The following ALKBH8 variants were observed in gnomAD, a reference collection of about 807,000 sequenced individuals.
The protein encoded by ALKBH8 is tRNA (carboxymethyluridine(34)-5-O)-methyltransferase ALKBH8.
ALKBH8 carries 36 observed loss-of-function variants against 59.8 expected under a neutral mutation model. The ratio of observed to expected loss-of-function variants is 0.60; its 90% CI spans 0.46 to 0.79. The LOEUF is 0.79. Among genes scored for constraint, ALKBH8 ranks in the 30% least tolerant of loss-of-function variants. ALKBH8 has a pLI of 0.00. For synonymous variants in ALKBH8, 276 were observed against 273.6 expected (o/e 1.01, Z -0.09); for missense variants, 768 against 801.0 (o/e 0.96, Z 0.50).
Position 107,537,421 on chromosome 11 carries a change from G to A in ALKBH8, c.772-5015C>T, listed in dbSNP as rs2135537641. ...CCTTTGCAGGGACACAGATGGAGTTGGAAGCCACTATCTTCAGCAAACTAG... is the reference window on the plus strand; with the variant it reads ...CCTTTGCAGGGACACAGATGGAGTTAGAAGCCACTATCTTCAGCAAACTAG... On this transcript the variant is annotated intron_variant, in intron 7 of 11. Coordinates refer to ENST00000428149, the MANE Select transcript of ALKBH8 (RefSeq NM_138775.3). 1.3e-5 allele frequency among the ~76,000 whole-genome samples: 2 copies of A among 152,274 alleles called. 1 individual carries two copies. The highest frequency in any genetic ancestry group is 4.8e-5 in the African/African-American group (2 of 41,558).
chr11:107,544,818 CACA>C (rs1864182398), intron 7 of ALKBH8, among the ~76,000 whole-genome samples: 1 of 5,142 alleles, frequency 1.9e-4, no homozygotes, highest in Admixed American at 4.3e-3. Flanking sequence ...ATACAAACCA[CACA>C]CACACACACA....
At chr11:107,516,064 T>C (rs1327146241) in intron 10 of ALKBH8, among the ~76,000 whole-genome samples, 1 of 152,226 alleles carries the variant, frequency 6.6e-6, no homozygotes, top group African/African-American at 2.4e-5. Context: ...GCAGATTCTT[T>C]GTAGCACTGC....
intron 2 of ALKBH8, among the ~76,000 whole-genome samples, chr11:107,559,333 TA>T (rs1346639386): frequency 6.6e-6 from 1 of 152,176 alleles, no homozygotes; most frequent in Non-Finnish European, 1.5e-5. Flanking sequence ...AAAATATAAT[TA>T]GAGGTCCATC....
chr11:107,521,416 T>C (rs915719232), intron 10 of ALKBH8, among the ~76,000 whole-genome samples: 3 of 152,162 alleles, frequency 2.0e-5, no homozygotes, highest in Non-Finnish European at 4.4e-5. Flanking sequence ...GTAGTAACTT[T>C]CTTCATGTAG....
intron 10 of ALKBH8, among the ~76,000 whole-genome samples, chr11:107,521,749 C>A (rs997624383): frequency 3.9e-5 from 6 of 152,106 alleles, no homozygotes; most frequent in Non-Finnish European, 2.9e-5. Context: ...GCACTGTAAC[C>A]TTGGTCAAGT....
chr11:107,523,602 C>CT (rs58698577), intron 9 of ALKBH8, among the ~76,000 whole-genome samples: 77 of 97,024 alleles, frequency 7.9e-4, no homozygotes, highest in African/African-American at 1.9e-3. Context: ...AGAATAAATT[C>CT]TTTTTTTTTT....
chr11:107,532,711 T>C (rs1863649254), intron 7 of ALKBH8, among the ~76,000 whole-genome samples: 1 of 152,062 alleles, frequency 6.6e-6, no homozygotes, highest in Non-Finnish European at 1.5e-5. Context: ...GATCACACCG[T>C]AGAAAACAGC....
At chr11:107,508,768 G>A (rs1862500993) in intron 11 of ALKBH8, among the ~76,000 whole-genome samples, 1 of 152,136 alleles carries the variant, frequency 6.6e-6, no homozygotes, top group Non-Finnish European at 1.5e-5. Flanking sequence ...TATAGTATTT[G>A]TCCTTTTGCA....
intron 7 of ALKBH8, among the ~76,000 whole-genome samples, chr11:107,535,563 A>T (rs552063890): frequency 6.6e-6 from 1 of 152,208 alleles, no homozygotes; most frequent in African/African-American, 2.4e-5. Context: ...GTCTTTTAAG[A>T]ATTGTCTATT....
At chr11:107,557,186 G>A (rs1455344709) in intron 2 of ALKBH8, among the ~76,000 whole-genome samples, 183 bp from the exon 3 acceptor site, 1 of 151,922 alleles carries the variant, frequency 6.6e-6, no homozygotes, top group African/African-American at 2.4e-5. Flanking sequence ...TAAAAATTTG[G>A]GGAATAAAAA....
intron 7 of ALKBH8, among the ~76,000 whole-genome samples, chr11:107,545,775 T>A (rs1274957096): frequency 6.6e-6 from 1 of 152,166 alleles, no homozygotes; most frequent in Non-Finnish European, 1.5e-5. Context: ...GCCAGTGCAA[T>A]GCAAACCCAA....
At chr11:107,521,829 T>A (rs1296909632) in intron 10 of ALKBH8, among the ~76,000 whole-genome samples, 1 of 152,166 alleles carries the variant, frequency 6.6e-6, no homozygotes, top group East Asian at 1.9e-4. Flanking sequence ...TTTTCTACTA[T>A]GAATAAAGTT....
chr11:107,543,472 C>T (rs1864128533), intron 7 of ALKBH8, among the ~76,000 whole-genome samples: 2 of 152,194 alleles, frequency 1.3e-5, no homozygotes, highest in South Asian at 4.1e-4. Context: ...AACCAACATC[C>T]ATTTAACCAA....
intron 7 of ALKBH8, among the ~76,000 whole-genome samples, chr11:107,539,487 T>C (rs760416222): frequency 2.6e-5 from 4 of 151,974 alleles, no homozygotes; most frequent in Non-Finnish European, 5.9e-5. Flanking sequence ...TAGTCCCAGC[T>C]ACTTGGGAGG....
At chr11:107,533,503 T>C (rs1863681691) in intron 7 of ALKBH8, among the ~76,000 whole-genome samples, 1 of 152,164 alleles carries the variant, frequency 6.6e-6, no homozygotes, top group Non-Finnish European at 1.5e-5. Context: ...AACCTATCCT[T>C]CCAATCTAAG....
chr11:107,528,010 G>A (rs1222237325), intron 8 of ALKBH8, among the ~76,000 whole-genome samples: 2 of 151,934 alleles, frequency 1.3e-5, no homozygotes, highest in Non-Finnish European at 1.5e-5. Flanking sequence ...AGTTTGCCGG[G>A]CTTTATCATG....
At chr11:107,522,802 T>C (rs1863175534) in intron 9 of ALKBH8, among the ~76,000 whole-genome samples, 1 of 151,150 alleles carries the variant, frequency 6.6e-6, no homozygotes, top group Non-Finnish European at 1.5e-5. Flanking sequence ...CAAGACGGTC[T>C]TTAAAAAAAG....
At chr11:107,546,237 T>C (rs1232459023) in intron 7 of ALKBH8, among the ~76,000 whole-genome samples, 1 of 152,214 alleles carries the variant, frequency 6.6e-6, no homozygotes, top group Admixed American at 6.5e-5. Flanking sequence ...GCACATTAAA[T>C]AGTTATTTTC....
intron 10 of ALKBH8, among the ~76,000 whole-genome samples, chr11:107,521,239 C>T (rs934640596): frequency 1.3e-5 from 2 of 152,062 alleles, no homozygotes; most frequent in Admixed American, 6.5e-5. Flanking sequence ...AGATGTATGG[C>T]CCCACAAAGA....
Sources: allele counts gnomAD v4.1 joint callset (sites outside exome capture counted in the v4.1 genomes callset), GRCh38; gene constraint gnomAD v4.1.1; transcripts MANE v1.5; gene names NCBI Gene and HGNC (gene_info 2026-07-23, HGNC 2026-07-21).